CLHC1: variants seen among roughly 807,000 people sequenced by gnomAD.
CLHC1 encodes clathrin heavy chain linker domain containing 1, also known as clathrin heavy chain linker domain-containing protein 1.
Under a neutral mutation model 69.5 loss-of-function variants are expected in CLHC1, and 72 were observed. The ratio of observed to expected loss-of-function variants is 1.04; its 90% CI spans 0.86 to 1.26. The LOEUF is 1.26. CLHC1 is among the 50% of genes most tolerant of loss of function. The probability of loss-of-function intolerance (pLI) is 0.00; values close to 1 mark genes in which losing one functional copy is unlikely to be tolerated. For missense variants in CLHC1, 790 were observed against 679.3 expected (o/e 1.16, Z -1.81); for synonymous variants, 223 against 224.3 (o/e 0.99, Z 0.05).
rs897809485 is a variant in CLHC1, at chr2:55,218,845, A to G, written c.178-847T>C. ...GGATTGAAGAATACAGAGAATAGAC[A>G]GGCTCAATTCCTAATTTTCTCAGAA... On this transcript the variant is annotated intron_variant, in intron 3 of 12. Coordinates refer to ENST00000401408, the MANE Select transcript of CLHC1 (RefSeq NM_152385.4). 6.8e-4 allele frequency among the ~76,000 whole-genome samples: 104 copies of G among 152,344 alleles called. 1 individual carries two copies. Among genetic ancestry groups the G allele is most frequent in the Admixed American group, 6.7e-3 (102 of 15,300 alleles).
chr2:55,190,767 G>C (rs1337693580), intron 9 of CLHC1, among the ~76,000 whole-genome samples: 2 of 152,168 alleles, frequency 1.3e-5, no homozygotes, highest in African/African-American at 4.8e-5. Flanking sequence ...TGACATCCCT[G>C]AATCGGTGAG....
At chr2:55,212,594 A>G (rs1673113926) in intron 5 of CLHC1, 79 bp downstream of exon 5, 1 of 1,142,398 alleles carries the variant, frequency 8.8e-7, no homozygotes, top group East Asian at 2.4e-5. Flanking sequence ...ACATCAGCAC[A>G]TTTATATTAA....
At chr2:55,226,149 A>AGG (rs1674680297) in intron 2 of CLHC1, among the ~76,000 whole-genome samples, 1 of 150,624 alleles carries the variant, frequency 6.6e-6, no homozygotes. Context: ...CCAAGATCGC[A>AGG]CCACTGCACT....
At chr2:55,210,313 C>G (rs1315355839) in intron 5 of CLHC1, among the ~76,000 whole-genome samples, 1 of 152,064 alleles carries the variant, frequency 6.6e-6, no homozygotes, top group East Asian at 1.9e-4. Flanking sequence ...TCTCCTGCCT[C>G]AACTTCTGAG....
chr2:55,202,726 G>A (rs564150631), intron 9 of CLHC1, among the ~76,000 whole-genome samples: 3 of 151,576 alleles, frequency 2.0e-5, no homozygotes, highest in East Asian at 3.9e-4. Flanking sequence ...GCAAAACTCC[G>A]TCTCTACTGA....
At chr2:55,187,410 C>T (rs890925551) in intron 9 of CLHC1, among the ~76,000 whole-genome samples, 1 of 152,034 alleles carries the variant, frequency 6.6e-6, no homozygotes. Context: ...CTCAGAGGTT[C>T]CAGACCAGCC....
In CLHC1 at chr2:55,209,785, G is replaced by A; in HGVS notation, c.546C>T (p.Tyr182=). 6.2e-7 allele frequency: 1 copy of A among 1,611,096 alleles called. No individual in the cohort carries two copies. Among genetic ancestry groups the A allele is most frequent in the Non-Finnish European group, 8.5e-7 (1 of 1,177,992 alleles). The change falls in exon 6 of 13, where the codon TAC becomes TAT. Residue 182 remains tyrosine (Y), a synonymous_variant. Coordinates refer to ENST00000401408, the MANE Select transcript of CLHC1 (RefSeq NM_152385.4). ...CATATTTATCTTCAAGATGTTTCAT[G>A]TATTTAGTGAGAGCATCTAGATTCA... ...ESMNLDALTK[Y]MKHLEDKYAE...
chr2:55,187,228 G>A (rs12618111), intron 9 of CLHC1, among the ~76,000 whole-genome samples: 26,899 of 151,438 alleles, frequency 0.18, 2,645 homozygotes, highest in East Asian at 0.39. Flanking sequence ...GCAGTGGGCC[G>A]GGATCGCGCC....
chr2:55,190,751 TATAACTGAC>T (rs1316172388), intron 9 of CLHC1, among the ~76,000 whole-genome samples: 1 of 152,154 alleles, frequency 6.6e-6, no homozygotes, highest in East Asian at 1.9e-4. Flanking sequence ...ACTTCAGGCA[TATAACTGAC>T]ATCCCTGAAT....
chr2:55,175,467 C>A lies in CLHC1; in HGVS notation c.*323G>T. ...CTACCCACACCTTCCTCAGTTCTTGCTATCATATTACATCACCAGAAAGTA... is the reference window on the plus strand; with the variant it reads ...CTACCCACACCTTCCTCAGTTCTTGATATCATATTACATCACCAGAAAGTA... On this transcript the variant is annotated 3_prime_UTR_variant, in exon 13 of 13. Transcript: ENST00000401408. 4.2e-6 allele frequency: 1 copy of A among 235,670 alleles called. No homozygotes were observed. The highest frequency in any genetic ancestry group is 8.4e-6 in the Non-Finnish European group (1 of 119,430). The allele number at this position is 235,670 out of a possible 1,614,324, so 14.6% of individuals were successfully genotyped here.
At chr2:55,189,605 C>T (rs7580936) in intron 9 of CLHC1, among the ~76,000 whole-genome samples, 121,479 of 152,066 alleles carry the variant, frequency 0.8, 48,801 homozygotes, top group African/African-American at 0.84. Context: ...ATTGAGGACA[C>T]GGAGCTGGAA....
intron 9 of CLHC1, among the ~76,000 whole-genome samples, chr2:55,188,574 A>G (rs945274523): frequency 4.6e-5 from 7 of 152,174 alleles, no homozygotes; most frequent in African/African-American, 1.7e-4. Context: ...TGCATACCTT[A>G]TGACTCAGAG....
At chr2:55,208,810 G>T in intron 7 of CLHC1, 100 bp from the exon 8 acceptor site, 3 of 695,396 alleles carry the variant, frequency 4.3e-6, no homozygotes, top group Non-Finnish European at 7.5e-6. Context: ...TATTGCTATG[G>T]CTCCTAACAG....
intron 9 of CLHC1, among the ~76,000 whole-genome samples, chr2:55,190,164 C>T (rs1670784620): frequency 6.6e-6 from 1 of 152,048 alleles, no homozygotes; most frequent in African/African-American, 2.4e-5. Context: ...CCTGCCTCAG[C>T]CTCCCGAGTA....
chr2:55,194,861 G>A (rs1324286348), intron 9 of CLHC1, among the ~76,000 whole-genome samples: 1 of 152,074 alleles, frequency 6.6e-6, no homozygotes, highest in Non-Finnish European at 1.5e-5. Context: ...CTCTGTGTGT[G>A]TGTGTGTTTG....
In CLHC1 at chr2:55,222,225, T is replaced by G. The variant is rs1402384639; in HGVS notation, c.177+10A>C. The G allele has an allele frequency of 6.2e-7, 1 of 1,603,366 alleles. No individual in the cohort carries two copies. The highest frequency in any genetic ancestry group is 8.5e-7 in the Non-Finnish European group (1 of 1,171,290). ...ATGAAAACTTAATTGTCTTAAAAGC[T>G]TTATGATACCTTATCAAAAACATTT... On this transcript the variant is annotated intron_variant, in intron 3 of 12. Coordinates refer to ENST00000401408, the MANE Select transcript of CLHC1 (RefSeq NM_152385.4).
intron 9 of CLHC1, among the ~76,000 whole-genome samples, chr2:55,196,940 C>T (rs560126657): frequency 6.6e-6 from 1 of 152,150 alleles, no homozygotes; most frequent in African/African-American, 2.4e-5. Flanking sequence ...CATTTATGGA[C>T]CTAGCCTGAA....
chr2:55,192,168 G>A (rs1670995771), intron 9 of CLHC1, among the ~76,000 whole-genome samples: 1 of 152,152 alleles, frequency 6.6e-6, no homozygotes, highest in Non-Finnish European at 1.5e-5. Flanking sequence ...CACCCAGGCT[G>A]GAGTGCAGTA....
rs1669169875 is a variant in CLHC1 at position 55,174,000 on chromosome 2, T to C, written c.*1790A>G. ...ACATAATAGCTTTCTATCAATCATATAGGTCTCAAAGGAAAAAAAAAAAAA... is the reference window on the plus strand; with the variant it reads ...ACATAATAGCTTTCTATCAATCATACAGGTCTCAAAGGAAAAAAAAAAAAA... On this transcript the variant is annotated 3_prime_UTR_variant, in exon 13 of 13. Coordinates refer to ENST00000401408, the MANE Select transcript of CLHC1 (RefSeq NM_152385.4). 8.0e-6 allele frequency among the ~76,000 whole-genome samples: 1 copy of C among 125,506 alleles called. No individual in the cohort carries two copies. The highest frequency in any genetic ancestry group is 2.7e-4 in the South Asian group (1 of 3,704). The allele number at this position is 125,506 out of a possible 152,430, so 82.3% of individuals were successfully genotyped here. A position where few individuals can be genotyped will look rare whatever the true frequency, so the allele number is the denominator to read the frequency against.
Sources: allele counts gnomAD v4.1 joint callset (sites outside exome capture counted in the v4.1 genomes callset), GRCh38; gene constraint gnomAD v4.1.1; transcripts MANE v1.5; gene names NCBI Gene and HGNC (gene_info 2026-07-23, HGNC 2026-07-21).